Variants in ZFP64 observed in about 807,000 individuals in gnomAD.
ZFP64 encodes the protein zinc finger protein 64.
Under a neutral mutation model 51.6 loss-of-function variants are expected in ZFP64, and 14 were observed. The observed-to-expected ratio is 0.27, with a 90% confidence interval of 0.18 to 0.42. The LOEUF (loss-of-function observed/expected upper bound fraction) is 0.42. Among genes scored for constraint, ZFP64 ranks in the 10% least tolerant of loss-of-function variants. The probability of loss-of-function intolerance (pLI) is 1.00; values close to 1 mark genes in which losing one functional copy is unlikely to be tolerated. For synonymous variants in ZFP64, 375 were observed against 361.4 expected, an observed-to-expected ratio of 1.04 and a Z score of -0.43; for missense variants, 754 against 906.8, an observed-to-expected ratio of 0.83 and a Z score of 2.16.
chr20:52,088,982 A>G (rs1295182227), intron 7 of ZFP64: 4 of 535,878 alleles, frequency 7.5e-6, no homozygotes, highest in South Asian at 5.6e-5. Context: ...AACCACATGG[A>G]GAATGGTCAG....
intron 5 of ZFP64, among the ~76,000 whole-genome samples, chr20:52,158,524 G>A (rs1035202855): frequency 2.0e-5 from 3 of 152,088 alleles, no homozygotes; most frequent in Non-Finnish European, 4.4e-5. Context: ...TGGGCAACAT[G>A]GTGAAATCCC....
chr20:52,151,882 C>T lies in ZFP64; in HGVS notation c.*264G>A. 1.0e-6 allele frequency: 1 copy of T among 983,682 alleles called. No individual in the cohort carries two copies. The highest frequency in any genetic ancestry group is 1.3e-6 in the Non-Finnish European group (1 of 749,306). The allele number at this position is 983,682 out of a possible 1,614,324, so 60.9% of individuals were successfully genotyped here. On this transcript the variant is annotated 3_prime_UTR_variant, in exon 6 of 6. Coordinates refer to ENST00000216923, the MANE Select transcript of ZFP64 (RefSeq NM_018197.3). ...TGAAACCCCGTCTCTACTAAATATA[C>T]AAAAATTAGCCAGTCATGATGTCGT...
At chr20:52,144,578 C>CAAAAAAAAAAAAAAAAAAAAAAAAAA (rs1156545584) in intron 5 of ZFP64, among the ~76,000 whole-genome samples, 9 of 23,320 alleles carry the variant, frequency 3.9e-4, no homozygotes, top group Admixed American at 7.6e-4. Context: ...GACTCCGTCT[C>CAAAAAAAAAAAAAAAAAAAAAAAAAA]AAAAAAAAAA....
intron 4 of ZFP64, among the ~76,000 whole-genome samples, chr20:52,162,487 C>T (rs563237718): frequency 1.3e-5 from 2 of 151,582 alleles, no homozygotes; most frequent in East Asian, 3.9e-4. Context: ...ACTAGCCGGG[C>T]GTGGTGGCAG....
chr20:52,137,680 G>C (rs1980043882), intron 5 of ZFP64, among the ~76,000 whole-genome samples: 1 of 152,110 alleles, frequency 6.6e-6, no homozygotes. Context: ...ACATACCATA[G>C]GGCAAAACTT....
Position 52,120,419 on chromosome 20 carries a change from A to T in ZFP64, c.764-21832T>A, listed in dbSNP as rs940326012. On this transcript the variant is annotated intron_variant, in intron 5 of 8. Transcript: ENST00000361387. ...CCTCGTCGTGGTAATGACTATGAGG[A>T]TGGAAAGAGGGCATCGATAGATGGC... 2.0e-5 allele frequency among the ~76,000 whole-genome samples: 3 copies of T among 152,282 alleles called. No homozygotes were observed. The South Asian group carries it at 6.2e-4, about 32-fold the overall frequency.
At chr20:52,098,266 G>A (rs533527055) in intron 6 of ZFP64, among the ~76,000 whole-genome samples, 1 of 152,242 alleles carries the variant, frequency 6.6e-6, no homozygotes, top group African/African-American at 2.4e-5. Context: ...CTGAGCTCTG[G>A]ATGCTACAGG....
chr20:52,171,739 C>G (rs1982750406), intron 2 of ZFP64, among the ~76,000 whole-genome samples: 1 of 133,300 alleles, frequency 7.5e-6, no homozygotes, highest in Non-Finnish European at 1.6e-5. Flanking sequence ...ATCTGCCTGC[C>G]TCGGCCTCCC....
At chr20:52,098,728 G>T in intron 5 of ZFP64, 2 of 1,131,128 alleles carry the variant, frequency 1.8e-6, no homozygotes, top group Non-Finnish European at 2.5e-6. Context: ...ATGTGACCAG[G>T]CGGGGTGGCT....
intron 5 of ZFP64, among the ~76,000 whole-genome samples, chr20:52,155,274 C>G (rs2122970777): frequency 1.3e-5 from 2 of 152,314 alleles, no homozygotes; most frequent in South Asian, 4.1e-4. Context: ...GACAACTTTA[C>G]ATGCACTGTT....
intron 7 of ZFP64, among the ~76,000 whole-genome samples, chr20:52,095,547 A>G (rs560586900): frequency 6.6e-6 from 1 of 152,188 alleles, no homozygotes; most frequent in Non-Finnish European, 1.5e-5. Context: ...TGAGGCCTCC[A>G]TGCCTTTTCT....
intron 1 of ZFP64, among the ~76,000 whole-genome samples, chr20:52,187,347 C>A (rs375229487): frequency 1.3e-5 from 2 of 152,080 alleles, no homozygotes; most frequent in African/African-American, 4.8e-5. Flanking sequence ...ATTGGCCAGG[C>A]GCGGTGGCTC....
chr20:52,094,590 C>T (rs190018795), intron 7 of ZFP64, among the ~76,000 whole-genome samples: 1 of 152,124 alleles, frequency 6.6e-6, no homozygotes, highest in East Asian at 1.9e-4. Context: ...GAGACCTCGT[C>T]ACTACAAAAT....
chr20:52,104,760 C>T (rs762462864), intron 5 of ZFP64: 47 of 542,760 alleles, frequency 8.7e-5, no homozygotes, highest in Non-Finnish European at 1.5e-4. Flanking sequence ...AGGCAAGAAG[C>T]CACCTTCCAG....
chr20:52,154,255 G>A (rs1363078351), intron 5 of ZFP64, among the ~76,000 whole-genome samples: 1 of 152,138 alleles, frequency 6.6e-6, no homozygotes, highest in East Asian at 1.9e-4. Flanking sequence ...GATGGCAGGC[G>A]CTATGCTGAG....
At chr20:52,104,726 C>T in intron 5 of ZFP64, 1 of 491,388 alleles carries the variant, frequency 2.0e-6, no homozygotes, top group Middle Eastern at 3.2e-4. Context: ...CTTCCCTGGA[C>T]AACGCATTTG....
At chr20:52,172,521 T>C (rs1291778556) in intron 2 of ZFP64, among the ~76,000 whole-genome samples, 1 of 152,108 alleles carries the variant, frequency 6.6e-6, no homozygotes, top group Non-Finnish European at 1.5e-5. Context: ...ATGAGTGGCA[T>C]GGGCCTTGGG....
chr20:52,150,099 G>A (rs981204803), downstream of ZFP64, among the ~76,000 whole-genome samples: 49 of 151,960 alleles, frequency 3.2e-4, no homozygotes, highest in African/African-American at 1.2e-3. Context: ...CAGCTACTCA[G>A]GAGGCTGAGG....
chr20:52,167,407 G>T lies in ZFP64; in HGVS notation c.287-1382C>A, dbSNP rs543982792. 4.9e-3 allele frequency among the ~76,000 whole-genome samples: 649 copies of T among 131,292 alleles called. 4 individuals carry two copies. Among genetic ancestry groups the T allele is most frequent in the Non-Finnish European group, 8.5e-3 (503 of 59,402 alleles). 86.1% of individuals were successfully genotyped at this position (131,292 alleles called of 152,430 possible). ...AAGATAGGCAGTCTCAAATTTTTTTGTTGTAAAAAATTAAGTGACTACTTT... is the reference window on the plus strand; with the variant it reads ...AAGATAGGCAGTCTCAAATTTTTTTTTTGTAAAAAATTAAGTGACTACTTT... On this transcript the variant is annotated intron_variant, in intron 2 of 5. Coordinates refer to ENST00000216923, the MANE Select transcript of ZFP64 (RefSeq NM_018197.3).
Sources: allele counts gnomAD v4.1 joint callset (sites outside exome capture counted in the v4.1 genomes callset), GRCh38; gene constraint gnomAD v4.1.1; transcripts MANE v1.5; gene names NCBI Gene and HGNC (gene_info 2026-07-23, HGNC 2026-07-21).